BMPR2: variants seen among roughly 807,000 people sequenced by gnomAD.
The protein encoded by BMPR2 is bone morphogenetic protein receptor type-2.
Under a neutral mutation model 100.8 loss-of-function variants are expected in BMPR2, and 29 were observed. That is an observed-to-expected ratio of 0.29 (90% CI 0.21 to 0.39). The LOEUF is 0.39. Ranked by LOEUF, BMPR2 falls within the 10% of genes least tolerant of loss-of-function variation. The probability of loss-of-function intolerance (pLI) is 1.00; values close to 1 mark genes in which losing one functional copy is unlikely to be tolerated. For missense variants in BMPR2, 1,011 were observed against 1,274.5 expected, an observed-to-expected ratio of 0.79 and a Z score of 3.15; for synonymous variants, 382 against 442.3, an observed-to-expected ratio of 0.86 and a Z score of 1.71.
At chr2:202,504,827 C>T (rs746182538) in intron 3 of BMPR2, among the ~76,000 whole-genome samples, 1 of 151,558 alleles carries the variant, frequency 6.6e-6, no homozygotes, top group Non-Finnish European at 1.5e-5. Flanking sequence ...TTACAGGTGC[C>T]TGCCCCCGTG....
chr2:202,460,614 G>A (rs954047537), intron 1 of BMPR2, among the ~76,000 whole-genome samples: 15 of 152,066 alleles, frequency 9.9e-5, no homozygotes, highest in Middle Eastern at 3.2e-3. Context: ...AACACCTTGA[G>A]AAACTCTCAC....
chr2:202,498,457 A>T (rs1240289077), intron 3 of BMPR2, among the ~76,000 whole-genome samples: 2 of 150,612 alleles, frequency 1.3e-5, no homozygotes, highest in African/African-American at 5.0e-5. Context: ...GGTGAGCGCA[A>T]CTATTCCGAT....
rs1690761273 is a variant in BMPR2 at position 202,401,056 on chromosome 2, AT to A, written c.76+23510del. ...TGAAAGGGCATAAAATGGAAAGAAT[AT>A]TTTATAACATTCTTATTATCTAAGC... On this transcript the variant is annotated intron_variant, in intron 1 of 12. Transcript: ENST00000374580. Among the ~76,000 whole-genome samples, 5 of 152,240 alleles carry A rather than the reference AT, an allele frequency of 3.3e-5. No individual in the cohort carries two copies. In the South Asian group the frequency reaches 1.0e-3, roughly 31 times the overall value.
chr2:202,463,479 C>T (rs1692260808), intron 1 of BMPR2, among the ~76,000 whole-genome samples: 1 of 152,318 alleles, frequency 6.6e-6, no homozygotes, highest in South Asian at 2.1e-4. Context: ...AAATCAGCCT[C>T]AGTGCTATGG....
Position 202,532,476 on chromosome 2 carries a change from G to A in BMPR2, c.1129-109G>A, listed in dbSNP as rs1206783132. Reference sequence around the variant, plus strand: ...AGAAAGGTTTAATGACATGGTTAGGGTCAAATAACATTGACATGACTAAGA... The same window carrying A: ...AGAAAGGTTTAATGACATGGTTAGGATCAAATAACATTGACATGACTAAGA... On this transcript the variant is annotated intron_variant, in intron 8 of 12. Transcript: ENST00000374580. The surrounding 1 kb of genome is among the most constrained non-coding windows in gnomAD (Gnocchi z 4.1). 6 of 1,355,404 alleles carry A rather than the reference G, an allele frequency of 4.4e-6. No homozygotes were observed. Among genetic ancestry groups the A allele is most frequent in the Non-Finnish European group, 6.2e-6 (6 of 968,970 alleles). The allele number at this position is 1,355,404 out of a possible 1,614,324, so 84.0% of individuals were successfully genotyped here.
intron 1 of BMPR2, among the ~76,000 whole-genome samples, chr2:202,379,300 T>A (rs188375944): frequency 6.6e-6 from 1 of 152,332 alleles, no homozygotes; most frequent in Admixed American, 6.5e-5. Context: ...ATGTTGTAGG[T>A]TATTATCATT....
chr2:202,522,667 C>A (rs1687839300), intron 7 of BMPR2, among the ~76,000 whole-genome samples: 1 of 151,750 alleles, frequency 6.6e-6, no homozygotes, highest in African/African-American at 2.4e-5. Flanking sequence ...CCCATCTCTA[C>A]AAAAAAAGTT....
chr2:202,483,695 G>A (rs528396161), intron 3 of BMPR2, among the ~76,000 whole-genome samples: 5 of 152,228 alleles, frequency 3.3e-5, no homozygotes, highest in African/African-American at 9.6e-5. Flanking sequence ...GAGCCACCAC[G>A]CCCAGCCCAA....
At chr2:202,516,558 G>A (rs563326644) in intron 5 of BMPR2, among the ~76,000 whole-genome samples, 4 of 152,008 alleles carry the variant, frequency 2.6e-5, no homozygotes, top group African/African-American at 7.2e-5. Context: ...CATGCCTGTA[G>A]TCCCAGCTAC....
chr2:202,454,766 A>G (rs1166539842), intron 1 of BMPR2, among the ~76,000 whole-genome samples: 1 of 152,230 alleles, frequency 6.6e-6, no homozygotes, highest in Non-Finnish European at 1.5e-5. Flanking sequence ...GAGCTGCACT[A>G]TCTAAAATAG....
intron 9 of BMPR2, among the ~76,000 whole-genome samples, chr2:202,535,141 C>CG (rs1435825221): frequency 6.8e-6 from 1 of 147,062 alleles, no homozygotes; most frequent in African/African-American, 2.5e-5. Flanking sequence ...GGCTGACCCC[C>CG]CCACCTCCCT....
intron 1 of BMPR2, among the ~76,000 whole-genome samples, chr2:202,384,999 A>C (rs542341305): frequency 6.6e-6 from 1 of 152,290 alleles, no homozygotes; most frequent in Non-Finnish European, 1.5e-5. Flanking sequence ...ATGTACTTTC[A>C]TTCTGCCCCA....
At chr2:202,399,465 ACAGG>A (rs1013828157) in intron 1 of BMPR2, among the ~76,000 whole-genome samples, 1 of 152,242 alleles carries the variant, frequency 6.6e-6, no homozygotes, top group Non-Finnish European at 1.5e-5. Flanking sequence ...AAGGGGTTAG[ACAGG>A]CAGGCAGGAG....
In BMPR2 at chr2:202,555,371, A is replaced by T. The variant is rs1688547469; in HGVS notation, c.1706A>T (p.Glu569Val). The T allele has an allele frequency of 6.2e-7, 1 of 1,614,088 alleles. No individual in the cohort carries two copies. The change falls in exon 12 of 13, where the codon GAG becomes GTG. Residue 569 changes from glutamate (E) to valine (V), a missense_variant. Glu to Val is a moderately radical substitution (Grantham distance 121). Around this residue, in one of 6 missense-constraint regions of BMPR2, gnomAD observed 508 missense variants for 552.0 expected, o/e 0.92. Transcript: ENST00000374580. The stretch of plus-strand genomic sequence containing the variant: ...AGCATCGTGAAGAATATTTCCTCTG[A>T]GCATTCTATGTCCAGCACACCTTTG... ...TDSIVKNISS[E>V]HSMSSTPLTI...
At chr2:202,378,143 T>A (rs954834620) in intron 1 of BMPR2, among the ~76,000 whole-genome samples, 1 of 152,216 alleles carries the variant, frequency 6.6e-6, no homozygotes, top group African/African-American at 2.4e-5. Flanking sequence ...TTACTGTTAG[T>A]CATCTGGCAT....
At chr2:202,523,975 C>T (rs149292407) in intron 7 of BMPR2, among the ~76,000 whole-genome samples, 64 of 152,146 alleles carry the variant, frequency 4.2e-4, no homozygotes, top group South Asian at 8.3e-4. Context: ...ATAAGTGGGA[C>T]GTAAACATCG....
rs997536090 is a variant in BMPR2 at position 202,503,893 on chromosome 2, A to G, written c.419-9826A>G. 3.3e-5 allele frequency among the ~76,000 whole-genome samples: 5 copies of G among 152,290 alleles called. No homozygotes were observed. In the East Asian group the frequency reaches 7.7e-4, roughly 24 times the overall value. On this transcript the variant is annotated intron_variant, in intron 3 of 12. Coordinates refer to ENST00000374580, the MANE Select transcript of BMPR2 (RefSeq NM_001204.7). This position sits in a 1 kb window ranked among gnomAD's most constrained non-coding sequence, Gnocchi z 4.0. Reference sequence around the variant, plus strand: ...TAGCTCAGGGATTGTAAATACACCAATAGGCACTCTGTATCTAGCTCAAGG... The same window carrying G: ...TAGCTCAGGGATTGTAAATACACCAGTAGGCACTCTGTATCTAGCTCAAGG...
intron 3 of BMPR2, among the ~76,000 whole-genome samples, chr2:202,477,832 C>G (rs1692581095): frequency 6.6e-6 from 1 of 151,934 alleles, no homozygotes; most frequent in South Asian, 2.1e-4. Flanking sequence ...GGAAGTTGTT[C>G]CTGAAAAACC....
Position 202,389,797 on chromosome 2 carries a change from A to G in BMPR2, c.76+12247A>G, listed in dbSNP as rs1256821744. Among the ~76,000 whole-genome samples, 6 of 151,710 alleles carry G rather than the reference A, an allele frequency of 4.0e-5. No individual in the cohort carries two copies. In the East Asian group the frequency reaches 1.2e-3, roughly 30 times the overall value. ...GCTGGGATTACAGTCATGTGCCACC[A>G]CGTCCGGCTAATTTTGTGTTTTTAG... On this transcript the variant is annotated intron_variant, in intron 1 of 12. Transcript: ENST00000374580.
Sources: allele counts gnomAD v4.1 joint callset (sites outside exome capture counted in the v4.1 genomes callset), GRCh38; gene constraint gnomAD v4.1.1; regional missense constraint gnomAD v4.1.1; non-coding constraint Gnocchi (gnomAD v3.1); transcripts MANE v1.5; gene names NCBI Gene and HGNC (gene_info 2026-07-23, HGNC 2026-07-21).